The following SULT4A1 variants were observed in gnomAD, a reference collection of about 807,000 sequenced individuals.
SULT4A1 encodes sulfotransferase 4A1.
SULT4A1 carries 11 observed loss-of-function variants against 35.2 expected under a neutral mutation model. The ratio of observed to expected loss-of-function variants is 0.31; its 90% CI spans 0.20 to 0.52. SULT4A1 has a LOEUF of 0.52. Ranked by LOEUF, SULT4A1 falls within the 20% of genes least tolerant of loss-of-function variation. The pLI is 0.97. For missense variants in SULT4A1, 271 were observed against 383.7 expected (o/e 0.71, Z 2.45); for synonymous variants, 152 against 151.8 (o/e 1.00, Z -0.01).
At chr22:43,835,084 G>A (rs2063359028) in intron 4 of SULT4A1, among the ~76,000 whole-genome samples, 1 of 130,618 alleles carries the variant, frequency 7.7e-6, no homozygotes, top group Non-Finnish European at 1.6e-5. Flanking sequence ...TGAGCTTCCC[G>A]CGCCCCCACC....
chr22:43,862,232 C>T lies in SULT4A1; in HGVS notation c.151G>A (p.Val51Ile). ...GGCTCACCGGACTTGGGGTAGGTGA[C>T]GATCCACACGTCGCTGGGCCGCACC... ...FPVRPSDVWI[V>I]TYPKSGTSLL... The change falls in exon 1 of 7, where the codon GTC becomes ATC. Residue 51 changes from valine (V) to isoleucine (I), a missense_variant. Val to Ile is a conservative substitution (Grantham distance 29). Transcript: ENST00000330884. The T allele has an allele frequency of 1.3e-6, 2 of 1,560,570 alleles. No individual in the cohort carries two copies. Among genetic ancestry groups the T allele is most frequent in the South Asian group, 2.3e-5 (2 of 87,376 alleles).
chr22:43,847,586 C>T (rs867768396), intron 1 of SULT4A1, among the ~76,000 whole-genome samples: 1 of 151,874 alleles, frequency 6.6e-6, no homozygotes, highest in Non-Finnish European at 1.5e-5. Flanking sequence ...CTCCACCCAC[C>T]CCCTCTTCTC....
chr22:43,830,270 AAG>A (rs975812545), intron 5 of SULT4A1, among the ~76,000 whole-genome samples: 6 of 152,260 alleles, frequency 3.9e-5, no homozygotes, highest in Non-Finnish European at 7.3e-5. Flanking sequence ...GCAATGGAGA[AAG>A]AGTGAAGAAA....
chr22:43,838,488 T>C (rs1442365937), intron 4 of SULT4A1, among the ~76,000 whole-genome samples: 1 of 152,240 alleles, frequency 6.6e-6, no homozygotes. Context: ...TTAGCTCCAG[T>C]CTCCACTCCA....
intron 5 of SULT4A1, among the ~76,000 whole-genome samples, chr22:43,831,570 CA>C (rs2063326191): frequency 6.6e-6 from 1 of 152,210 alleles, no homozygotes; most frequent in Non-Finnish European, 1.5e-5. Context: ...CCACGCCCGG[CA>C]ACACTGGATG....
chr22:43,827,746 G>A (rs2148275244), intron 6 of SULT4A1: 1 of 609,668 alleles, frequency 1.6e-6, no homozygotes, highest in Non-Finnish European at 2.6e-6. Flanking sequence ...TGTTCTCGAC[G>A]CTGCTTCACC....
At chr22:43,843,870 G>T (rs8142624) in intron 1 of SULT4A1, among the ~76,000 whole-genome samples, 14,864 of 152,296 alleles carry the variant, frequency 0.098, 792 homozygotes, top group Admixed American at 0.11. Context: ...GGCAGGGAGG[G>T]TGTGCGAACC....
rs139318311 is a variant in SULT4A1 at position 43,855,631 on chromosome 22, C to T, written c.169+6583G>A. On this transcript the variant is annotated intron_variant, in intron 1 of 6. Coordinates refer to ENST00000330884, the MANE Select transcript of SULT4A1 (RefSeq NM_014351.4). ...TCCTCTCGCTCCCTCCAGAAGCCCA[C>T]GCTAGGAGCCCGCTCCCTGCTAACC... is the stretch of plus-strand genomic sequence containing the variant. 4.5e-3 allele frequency among the ~76,000 whole-genome samples: 684 copies of T among 152,312 alleles called. 9 individuals are homozygous for T. The highest frequency in any genetic ancestry group is 0.016 in the African/African-American group (648 of 41,564).
At chr22:43,827,968 A>G (rs1234160322) in intron 6 of SULT4A1, among the ~76,000 whole-genome samples, 1 of 152,252 alleles carries the variant, frequency 6.6e-6, no homozygotes, top group African/African-American at 2.4e-5. Context: ...CTCTGCCTTT[A>G]TAAGAGACGG....
At position 43,846,110 on chromosome 22, in the gene SULT4A1, A is replaced by G. The variant is rs561811279; in HGVS notation, c.170-4178T>C. Among the ~76,000 whole-genome samples, 6 of 151,510 alleles carry G rather than the reference A, an allele frequency of 4.0e-5. No homozygotes were observed. The South Asian group carries it at 1.3e-3, about 32-fold the overall frequency. On this transcript the variant is annotated intron_variant, in intron 1 of 6. Transcript: ENST00000330884. ...CAACGCAAGGCCTTCACCATGTTCCACTCCCTCACCACCTGGCTCTCCCCT... is the reference window on the plus strand; with the variant it reads ...CAACGCAAGGCCTTCACCATGTTCCGCTCCCTCACCACCTGGCTCTCCCCT...
At chr22:43,830,739 C>T (rs977469415) in intron 5 of SULT4A1, among the ~76,000 whole-genome samples, 9 of 152,136 alleles carry the variant, frequency 5.9e-5, no homozygotes, top group Admixed American at 3.3e-4. Context: ...GCACAGTGCC[C>T]GGCTCGTGGG....
chr22:43,857,487 C>A (rs529738469), intron 1 of SULT4A1, among the ~76,000 whole-genome samples: 1 of 151,866 alleles, frequency 6.6e-6, no homozygotes, highest in Admixed American at 6.6e-5. Context: ...TAATTGGAAT[C>A]TCAAAGGAAG....
intron 4 of SULT4A1, 137 bp downstream of exon 4, chr22:43,838,730 T>C: frequency 8.4e-7 from 1 of 1,195,060 alleles, no homozygotes. Flanking sequence ...TCTTCATCTG[T>C]AAAGTGACCG....
In SULT4A1 at chr22:43,852,440, A is replaced by C. The variant is rs371852696; in HGVS notation, c.169+9774T>G. Among the ~76,000 whole-genome samples the C allele has an allele frequency of 1.1e-4, 16 of 151,772 alleles. No individual in the cohort carries two copies. The East Asian group carries it at 2.0e-3, about 19-fold the overall frequency. On this transcript the variant is annotated intron_variant, in intron 1 of 6. Transcript: ENST00000330884. ...CAATTCTCCTGCCTCAGCCTCCCAA[A>C]GTGCTGGGATTACAAATGTAAGCCA...
intron 1 of SULT4A1, among the ~76,000 whole-genome samples, chr22:43,853,258 C>G (rs146920098): frequency 6.6e-6 from 1 of 152,338 alleles, no homozygotes; most frequent in Non-Finnish European, 1.5e-5. Flanking sequence ...AGGGCCACGT[C>G]CCATGTGTAC....
intron 1 of SULT4A1, among the ~76,000 whole-genome samples, chr22:43,852,353 T>C (rs2049351205): frequency 6.6e-6 from 1 of 151,416 alleles, no homozygotes; most frequent in African/African-American, 2.4e-5. Context: ...TTGTTGTTTT[T>C]TTTTTGTAGA....
chr22:43,833,272 C>T (rs570216030), intron 5 of SULT4A1, among the ~76,000 whole-genome samples: 6 of 152,118 alleles, frequency 3.9e-5, no homozygotes, highest in Non-Finnish European at 7.4e-5. Context: ...GACCCAGGCT[C>T]CCCAAGCTAC....
At chr22:43,853,195 A>G (rs535463122) in intron 1 of SULT4A1, among the ~76,000 whole-genome samples, 1 of 151,998 alleles carries the variant, frequency 6.6e-6, no homozygotes, top group East Asian at 1.9e-4. Context: ...ATACACCCAC[A>G]CACACTACAC....
At chr22:43,843,023 C>T (rs1418227979) in intron 1 of SULT4A1, among the ~76,000 whole-genome samples, 1 of 150,602 alleles carries the variant, frequency 6.6e-6, no homozygotes, top group African/African-American at 2.5e-5. Context: ...CCTGCCCCCA[C>T]CCCTTTCACC....
Sources: gnomAD v4.1 joint callset for allele counts (sites outside exome capture counted in the v4.1 genomes callset) on GRCh38, gnomAD v4.1.1 for gene constraint, MANE v1.5 for transcripts, NCBI Gene and HGNC (gene_info 2026-07-23, HGNC 2026-07-21) for gene names.